Variants in ROBO1 observed in about 807,000 individuals in gnomAD.
The protein encoded by ROBO1 is roundabout homolog 1.
Under a neutral mutation model 195.9 loss-of-function variants are expected in ROBO1, and 149 were observed. The observed-to-expected ratio is 0.76, with a 90% confidence interval of 0.67 to 0.87. The LOEUF is 0.87. ROBO1 is among the 40% of genes least tolerant of loss of function. The probability of loss-of-function intolerance (pLI) is 0.00; values close to 1 mark genes in which losing one functional copy is unlikely to be tolerated. For missense variants in ROBO1, 1,933 were observed against 2,068.3 expected (o/e 0.93, Z 1.27); for synonymous variants, 816 against 733.2 (o/e 1.11, Z -1.82).
intron 2 of ROBO1, among the ~76,000 whole-genome samples, chr3:79,384,204 G>A (rs1472086944): frequency 6.6e-6 from 1 of 151,922 alleles, no homozygotes; most frequent in Non-Finnish European, 1.5e-5. Context: ...TTTTCTTAAA[G>A]TTGATACTAT....
chr3:79,498,276 T>G (rs1319206686), intron 2 of ROBO1, among the ~76,000 whole-genome samples: 1 of 152,152 alleles, frequency 6.6e-6, no homozygotes, highest in African/African-American at 2.4e-5. Flanking sequence ...GTAGATCGAT[T>G]TTCCTAATTT....
At chr3:78,792,961 G>C (rs2084068160) in intron 4 of ROBO1, among the ~76,000 whole-genome samples, 1 of 151,690 alleles carries the variant, frequency 6.6e-6, no homozygotes, top group Non-Finnish European at 1.5e-5. Context: ...AATAAATCCA[G>C]GCATTGTGGC....
At chr3:78,716,208 T>C (rs2081898425) in intron 7 of ROBO1, among the ~76,000 whole-genome samples, 1 of 152,194 alleles carries the variant, frequency 6.6e-6, no homozygotes, top group Non-Finnish European at 1.5e-5. Flanking sequence ...TTTACCTTTA[T>C]GTGACAAAAG....
intron 2 of ROBO1, among the ~76,000 whole-genome samples, chr3:79,491,827 G>T (rs1261728297): frequency 6.6e-6 from 1 of 151,022 alleles, no homozygotes; most frequent in Non-Finnish European, 1.5e-5. Context: ...AATCTGAGTG[G>T]ACCAATGACC....
At chr3:79,212,381 G>A (rs1417645593) in intron 2 of ROBO1, among the ~76,000 whole-genome samples, 1 of 152,182 alleles carries the variant, frequency 6.6e-6, no homozygotes, top group African/African-American at 2.4e-5. Flanking sequence ...ATGCAGAAAC[G>A]GAGTTCTATG....
intron 1 of ROBO1, among the ~76,000 whole-genome samples, chr3:79,598,614 A>G (rs1003436094): frequency 6.6e-6 from 1 of 151,910 alleles, no homozygotes. Context: ...AGCCTCACTC[A>G]AGGAAAGTCT....
At chr3:78,950,212 G>A (rs62257521) in intron 3 of ROBO1, among the ~76,000 whole-genome samples, 20 of 151,990 alleles carry the variant, frequency 1.3e-4, no homozygotes, top group African/African-American at 4.1e-4. Flanking sequence ...ACATGCACAC[G>A]TATGTTTACA....
chr3:79,371,125 T>TGC (rs1296171886), intron 2 of ROBO1, among the ~76,000 whole-genome samples: 1 of 152,178 alleles, frequency 6.6e-6, no homozygotes, highest in Non-Finnish European at 1.5e-5. Context: ...TTTGCTATAG[T>TGC]AAATAGTGTT....
chr3:78,936,105 A>T (rs2107671006), intron 4 of ROBO1, among the ~76,000 whole-genome samples: 1 of 152,164 alleles, frequency 6.6e-6, no homozygotes, highest in African/African-American at 2.4e-5. Context: ...TAAATAGAAT[A>T]ACTTTGGTGC....
chr3:79,100,992 G>T (rs961597310), intron 3 of ROBO1, among the ~76,000 whole-genome samples: 20 of 151,894 alleles, frequency 1.3e-4, no homozygotes, highest in Non-Finnish European at 2.9e-5. Flanking sequence ...AAGAGAGGTG[G>T]TGTTTTTTTC....
intron 1 of ROBO1, among the ~76,000 whole-genome samples, chr3:79,685,433 C>A (rs973215789): frequency 1.3e-5 from 2 of 152,156 alleles, no homozygotes; most frequent in Non-Finnish European, 2.9e-5. Flanking sequence ...AAAAACCCAG[C>A]TTTTGCTTTT....
At chr3:79,733,189 T>A (rs1414914733) in intron 1 of ROBO1, among the ~76,000 whole-genome samples, 1 of 152,178 alleles carries the variant, frequency 6.6e-6, no homozygotes, top group Non-Finnish European at 1.5e-5. Flanking sequence ...CATCACTCAT[T>A]TTTTCATCTA....
At chr3:79,258,588 T>C (rs904296907) in intron 2 of ROBO1, among the ~76,000 whole-genome samples, 1 of 152,162 alleles carries the variant, frequency 6.6e-6, no homozygotes, top group Admixed American at 6.6e-5. Context: ...CGCCATGTCA[T>C]AGCAGCACTG....
intron 2 of ROBO1, among the ~76,000 whole-genome samples, chr3:79,293,486 G>C (rs943324492): frequency 1.3e-5 from 2 of 151,960 alleles, no homozygotes; most frequent in Non-Finnish European, 2.9e-5. Context: ...GTCGATTTTA[G>C]ATCTTTCCCA....
intron 2 of ROBO1, among the ~76,000 whole-genome samples, chr3:79,560,558 T>TATGTAC: frequency 7.7e-6 from 1 of 129,692 alleles, no homozygotes; most frequent in Non-Finnish European, 1.6e-5. Flanking sequence ...TATATATATA[T>TATGTAC]ACACATACAC....
At chr3:79,661,531 CT>C (rs968943102) in intron 1 of ROBO1, among the ~76,000 whole-genome samples, 22 of 151,888 alleles carry the variant, frequency 1.4e-4, no homozygotes, top group Non-Finnish European at 2.1e-4. Flanking sequence ...TCCCCACTTC[CT>C]TTTTTTTCTA....
intron 2 of ROBO1, among the ~76,000 whole-genome samples, chr3:79,245,936 C>G (rs995525291): frequency 6.6e-6 from 1 of 152,034 alleles, no homozygotes. Flanking sequence ...ACACTTTTCC[C>G]TTTACTGGGG....
chr3:78,953,491 A>G (rs1334933595), intron 3 of ROBO1, among the ~76,000 whole-genome samples: 1 of 152,032 alleles, frequency 6.6e-6, no homozygotes, highest in African/African-American at 2.4e-5. Context: ...CATTGGCAGC[A>G]CAAAGAAATA....
chr3:79,221,131 A>G lies in ROBO1; in HGVS notation c.89-95592T>C, dbSNP rs552935494. The stretch of plus-strand genomic sequence containing the variant: ...TTCCCTCATTCCCAAAAGACACCCA[A>G]TCATAGGCAATTATGGAAGGCAGGC... On this transcript the variant is annotated intron_variant, in intron 2 of 30. Coordinates refer to ENST00000464233, the MANE Select transcript of ROBO1 (RefSeq NM_002941.4). 1.1e-4 allele frequency among the ~76,000 whole-genome samples: 17 copies of G among 152,176 alleles called. No individual in the cohort carries two copies. In the South Asian group the frequency reaches 3.1e-3, roughly 28 times the overall value.
Sources: gnomAD v4.1 joint callset for allele counts (sites outside exome capture counted in the v4.1 genomes callset) on GRCh38, gnomAD v4.1.1 for gene constraint, MANE v1.5 for transcripts, NCBI Gene and HGNC (gene_info 2026-07-23, HGNC 2026-07-21) for gene names.